The following LARP1B variants were observed in gnomAD, a reference collection of about 807,000 sequenced individuals.
LARP1B encodes the protein la-related protein 1B.
A neutral mutation model predicts 114.2 loss-of-function variants in LARP1B; 76 were observed. The observed-to-expected ratio is 0.67, with a 90% confidence interval of 0.55 to 0.81. LARP1B has a LOEUF of 0.81. LARP1B is among the 30% of genes least tolerant of loss of function. The pLI is 0.00. For missense variants in LARP1B, 1,014 were observed against 1,075.8 expected, an observed-to-expected ratio of 0.94 and a Z score of 0.80; for synonymous variants, 345 against 348.0, an observed-to-expected ratio of 0.99 and a Z score of 0.10.
intron 11 of LARP1B, 103 bp downstream of exon 11, chr4:128,122,291 A>C: frequency 6.6e-7 from 1 of 1,523,202 alleles, no homozygotes; most frequent in Non-Finnish European, 8.8e-7. Context: ...GAAATGTTGA[A>C]TATAAATACA....
At chr4:128,105,992 T>C (rs908126884) in intron 8 of LARP1B, among the ~76,000 whole-genome samples, 12 of 152,166 alleles carry the variant, frequency 7.9e-5, no homozygotes, top group Non-Finnish European at 1.8e-4. Context: ...GAGTAGGTTC[T>C]TTTTTCAAAA....
At chr4:128,138,953 A>AAAT (rs1390809936) in intron 11 of LARP1B, among the ~76,000 whole-genome samples, 1 of 152,038 alleles carries the variant, frequency 6.6e-6, no homozygotes, top group Non-Finnish European at 1.5e-5. Context: ...GACTCTCAAA[A>AAAT]AATAATAATA....
intron 8 of LARP1B, among the ~76,000 whole-genome samples, chr4:128,099,423 A>G (rs960616173): frequency 2.0e-5 from 3 of 151,754 alleles, no homozygotes; most frequent in Admixed American, 1.3e-4. Context: ...AGTAGCTGGG[A>G]TAACTGGAGT....
intron 4 of LARP1B, among the ~76,000 whole-genome samples, chr4:128,081,047 A>G (rs899731297): frequency 9.9e-5 from 15 of 151,654 alleles, no homozygotes; most frequent in Non-Finnish European, 2.2e-4. Context: ...CTAAGAATCA[A>G]GTACTAAACA....
At chr4:128,120,352 CTACT>C (rs1390946083) in intron 10 of LARP1B, among the ~76,000 whole-genome samples, 1 of 152,004 alleles carries the variant, frequency 6.6e-6, no homozygotes, top group Non-Finnish European at 1.5e-5. Context: ...CAAGTAGAAA[CTACT>C]TCCTTCTGTT....
intron 12 of LARP1B, among the ~76,000 whole-genome samples, chr4:128,172,162 CT>C (rs200606271): frequency 2.7e-5 from 4 of 150,644 alleles, no homozygotes. Flanking sequence ...TTTTCAATTT[CT>C]TTTTTTTTCT....
chr4:128,083,848 G>A (rs1162780241), intron 5 of LARP1B, among the ~76,000 whole-genome samples: 6 of 151,074 alleles, frequency 4.0e-5, no homozygotes, highest in African/African-American at 1.5e-4. Context: ...GGGCGGAGAC[G>A]CTCCTCACTT....
At chr4:128,094,610 T>G (rs1777231199) in intron 7 of LARP1B, among the ~76,000 whole-genome samples, 1 of 151,916 alleles carries the variant, frequency 6.6e-6, no homozygotes, top group Admixed American at 6.6e-5. Context: ...TTTTGCCATG[T>G]TGCCCCATCT....
intron 9 of LARP1B, chr4:128,108,951 A>G (rs1783037483): frequency 2.3e-6 from 1 of 438,386 alleles, no homozygotes; most frequent in African/African-American, 2.1e-5. Context: ...ATGCATGCAC[A>G]TACATATTGT....
intron 11 of LARP1B, among the ~76,000 whole-genome samples, chr4:128,147,005 T>C (rs903850338): frequency 6.6e-6 from 1 of 152,254 alleles, no homozygotes; most frequent in Non-Finnish European, 1.5e-5. Context: ...TTCTCCTTGA[T>C]GACAGTGTCT....
intron 11 of LARP1B, among the ~76,000 whole-genome samples, chr4:128,125,621 T>G (rs1367027295): frequency 1.3e-5 from 2 of 152,202 alleles, no homozygotes; most frequent in African/African-American, 2.4e-5. Flanking sequence ...GGCGCGTGCC[T>G]GTAGTCCCAG....
At position 128,091,504 on chromosome 4, in the gene LARP1B, G is replaced by T; in HGVS notation, c.660G>T (p.Lys220Asn). Residue 220 changes from lysine to asparagine, a missense_variant, in exon 7 of 20, where the codon AAG becomes AAT. Coordinates refer to ENST00000326639, the MANE Select transcript of LARP1B (RefSeq NM_018078.4). ...AAGCATTGCTTAAAGAGTATATTAA[G>T]CGTCAAATGTAAGTGGATGTTTGAT... ...VEEALLKEYI[K>N]RQIEYYFSVE... 2 of 1,600,662 alleles carry T rather than the reference G, an allele frequency of 1.2e-6. No individual in the cohort carries two copies. The highest frequency in any genetic ancestry group is 2.3e-5 in the South Asian group (2 of 87,444).
chr4:128,202,649 C>T (rs907018972), intron 17 of LARP1B, among the ~76,000 whole-genome samples: 7 of 152,134 alleles, frequency 4.6e-5, no homozygotes, highest in Non-Finnish European at 1.0e-4. Flanking sequence ...CATTTCCACC[C>T]AAGTCTAGGT....
chr4:128,082,334 C>T lies in LARP1B; in HGVS notation c.358+29C>T, dbSNP rs757865114. On this transcript the variant is annotated intron_variant, in intron 5 of 19. Transcript: ENST00000326639. ...AGTTACCATTCTAAGACAAAAATGA[C>T]TAAGGAAAGACTTAGTCTTAATGCT... 82 of 1,599,478 alleles carry T rather than the reference C, an allele frequency of 5.1e-5. 1 individual carries two copies. The Admixed American group carries it at 1.3e-3, about 25-fold the overall frequency.
At position 128,091,500 on chromosome 4, in the gene LARP1B, T is replaced by C. The variant is rs1333940622; in HGVS notation, c.656T>C (p.Ile219Thr). The C allele has an allele frequency of 6.2e-7, 1 of 1,602,992 alleles. No homozygotes were observed. The highest frequency in any genetic ancestry group is 2.2e-5 in the East Asian group (1 of 44,708). Residue 219 changes from isoleucine to threonine, a missense_variant, in exon 7 of 20, where the codon ATT becomes ACT. Transcript: ENST00000326639. ...GAAGAAGCATTGCTTAAAGAGTATA[T>C]TAAGCGTCAAATGTAAGTGGATGTT... ...PVEEALLKEY[I>T]KRQIEYYFSV...
intron 10 of LARP1B, among the ~76,000 whole-genome samples, chr4:128,116,218 G>C (rs536056588): frequency 1.3e-5 from 2 of 152,264 alleles, no homozygotes; most frequent in East Asian, 3.9e-4. Flanking sequence ...TATGTGATAG[G>C]ATTGCTTTGA....
rs556141831 is a variant in LARP1B, at chr4:128,062,294, G to A, written c.-78+893G>A. On this transcript the variant is annotated intron_variant, in intron 1 of 19. Transcript: ENST00000326639. ...CTTGCGGGACTTGCCGGCGCGTGGC[G>A]GCGGTAGCGGGCACCAGGCCCGGGT... 713 of 984,964 alleles carry A rather than the reference G, an allele frequency of 7.2e-4. 3 individuals are homozygous for A. The African/African-American group carries it at 0.012, about 16-fold the overall frequency. 61.0% of individuals were successfully genotyped at this position (984,964 alleles called of 1,614,324 possible).
rs201554291 is a variant in LARP1B at position 128,098,743 on chromosome 4, A to ATGTGTGTG, written c.813+418_813+419insGTGTGTGT. Among the ~76,000 whole-genome samples, 38 of 24,334 alleles carry ATGTGTGTG rather than the reference A, an allele frequency of 1.6e-3. 2 individuals carry two copies. The highest frequency in any genetic ancestry group is 6.5e-3 in the South Asian group (2 of 308). 16.0% of individuals were successfully genotyped at this position (24,334 alleles called of 152,430 possible). On this transcript the variant is annotated intron_variant, in intron 8 of 19. Transcript: ENST00000326639. Reference sequence around the variant, plus strand: ...AAAAAGCATGTGTTCCTGTATATGTATGTGTATATATATATATATATATAT... The same window carrying ATGTGTGTG: ...AAAAAGCATGTGTTCCTGTATATGTATGTGTGTGTGTGTATATATATATATATATATAT...
chr4:128,080,047 G>T (rs1270216591), intron 4 of LARP1B, among the ~76,000 whole-genome samples: 1 of 150,254 alleles, frequency 6.7e-6, no homozygotes, highest in African/African-American at 2.5e-5. Context: ...GCAATGGCGC[G>T]ATCTCCAGCT....
Sources: allele counts gnomAD v4.1 joint callset (sites outside exome capture counted in the v4.1 genomes callset), GRCh38; gene constraint gnomAD v4.1.1; transcripts MANE v1.5; gene names NCBI Gene and HGNC (gene_info 2026-07-23, HGNC 2026-07-21).